CPEB3: variants seen among roughly 807,000 people sequenced by gnomAD.
The protein encoded by CPEB3 is cytoplasmic polyadenylation element binding protein 3, also known as cytoplasmic polyadenylation element-binding protein 3.
Under a neutral mutation model 67.2 loss-of-function variants are expected in CPEB3, and 20 were observed. The ratio of observed to expected loss-of-function variants is 0.30; its 90% confidence interval spans 0.21 to 0.43. The LOEUF is 0.43. Ranked by LOEUF, CPEB3 falls within the 20% of genes least tolerant of loss-of-function variation. The pLI, the probability that CPEB3 is intolerant of heterozygous loss-of-function variation, is 1.00. For synonymous variants in CPEB3, 376 were observed against 393.1 expected, an observed-to-expected ratio of 0.96 and a Z score of 0.51; for missense variants, 746 against 968.6, an observed-to-expected ratio of 0.77 and a Z score of 3.05.
At chr10:92,080,914 A>G (rs1265732505) in intron 9 of CPEB3, among the ~76,000 whole-genome samples, 2 of 152,032 alleles carry the variant, frequency 1.3e-5, no homozygotes, top group Non-Finnish European at 2.9e-5. Context: ...GCAATTTTCA[A>G]ACCAGAAGTT....
intron 2 of CPEB3, among the ~76,000 whole-genome samples, chr10:92,227,657 C>T (rs1851045142): frequency 6.9e-6 from 1 of 145,892 alleles, no homozygotes; most frequent in African/African-American, 2.6e-5. Flanking sequence ...GTGGCGCGAT[C>T]TCGGCTCACT....
At chr10:92,095,427 CTATCTG>C (rs369882185) in intron 7 of CPEB3, among the ~76,000 whole-genome samples, 11 of 151,944 alleles carry the variant, frequency 7.2e-5, no homozygotes, top group African/African-American at 2.7e-4. Context: ...TATTGTGGTA[CTATCTG>C]TATGAAAAGT....
At chr10:92,197,894 G>A (rs1305488788) in intron 2 of CPEB3, among the ~76,000 whole-genome samples, 1 of 152,096 alleles carries the variant, frequency 6.6e-6, no homozygotes, top group Non-Finnish European at 1.5e-5. Flanking sequence ...AGATTGCAAC[G>A]TCGGGAGTTC....
intron 7 of CPEB3, among the ~76,000 whole-genome samples, chr10:92,100,440 AT>A: frequency 6.6e-6 from 1 of 150,746 alleles, no homozygotes; most frequent in African/African-American, 2.4e-5. Flanking sequence ...CGCCCCACTA[AT>A]TTTTTTGTAT....
intron 9 of CPEB3, among the ~76,000 whole-genome samples, chr10:92,073,124 A>G (rs565809240): frequency 6.7e-6 from 1 of 149,340 alleles, no homozygotes; most frequent in South Asian, 2.1e-4. Context: ...TGCAGCCTCA[A>G]ACTCCTGGGC....
chr10:92,200,866 A>G (rs1386598365), intron 2 of CPEB3, among the ~76,000 whole-genome samples: 1 of 152,216 alleles, frequency 6.6e-6, no homozygotes, highest in Non-Finnish European at 1.5e-5. Flanking sequence ...CAGGCAGGTC[A>G]GATAAGAGGC....
chr10:92,083,613 A>T (rs1449752183), intron 8 of CPEB3, among the ~76,000 whole-genome samples: 2 of 152,234 alleles, frequency 1.3e-5, no homozygotes, highest in Non-Finnish European at 2.9e-5. Context: ...GTTTAATGAA[A>T]TAAGTAACCT....
intron 4 of CPEB3, among the ~76,000 whole-genome samples, chr10:92,171,448 A>G (rs1440026625): frequency 1.3e-5 from 2 of 152,002 alleles, no homozygotes; most frequent in Non-Finnish European, 2.9e-5. Flanking sequence ...CCCCAACCAG[A>G]TTTCACCCTA....
At chr10:92,246,915 G>A (rs1164782409) in intron 1 of CPEB3, among the ~76,000 whole-genome samples, 2 of 152,114 alleles carry the variant, frequency 1.3e-5, no homozygotes, top group Non-Finnish European at 2.9e-5. Context: ...CTAACTCCAA[G>A]TGCAGGTCTA....
chr10:92,110,816 A>G (rs2133480333), intron 7 of CPEB3, among the ~76,000 whole-genome samples: 1 of 152,376 alleles, frequency 6.6e-6, no homozygotes, highest in Middle Eastern at 3.4e-3. Context: ...GAATTTCTGA[A>G]TAGGAATTAG....
At chr10:92,097,325 A>G (rs905641093) in intron 7 of CPEB3, among the ~76,000 whole-genome samples, 1 of 152,240 alleles carries the variant, frequency 6.6e-6, no homozygotes, top group African/African-American at 2.4e-5. Flanking sequence ...GGCCCCACCC[A>G]GTCCATGATC....
rs1841922448 is a variant in CPEB3 at position 92,052,244 on chromosome 10, G to A, written c.2065C>T (p.Arg689Cys). The A allele has an allele frequency of 1.2e-6, 2 of 1,613,794 alleles. No individual in the cohort carries two copies. The highest frequency in any genetic ancestry group is 1.3e-5 in the African/African-American group (1 of 74,930). Residue 689 changes from arginine (R) to cysteine (C), a missense_variant, in exon 10 of 10, where the codon CGC (arginine) becomes TGC (cysteine). Around this residue, in one of 2 missense-constraint regions of CPEB3, gnomAD observed 103 missense variants for 251.1 expected, o/e 0.41. Transcript: ENST00000265997. The stretch of plus-strand genomic sequence containing the variant: ...CAGCGGAACGGGACGTGACGAGGGC[G>A]GTCGCCTCCCTCCTTCACCAGCGGT... ...HKPLVKEGGDRPRHVPFRWS is the reference protein window; with the variant it reads ...HKPLVKEGGDCPRHVPFRWS
At chr10:92,087,434 C>A (rs892559332) in intron 8 of CPEB3, among the ~76,000 whole-genome samples, 1 of 152,182 alleles carries the variant, frequency 6.6e-6, no homozygotes. Flanking sequence ...CAGATGAGCA[C>A]TCTCTCAAGA....
intron 1 of CPEB3, among the ~76,000 whole-genome samples, chr10:92,252,317 T>G (rs772680901): frequency 6.6e-6 from 1 of 151,990 alleles, no homozygotes; most frequent in Non-Finnish European, 1.5e-5. Context: ...AGCAACCCAT[T>G]TTTCAAACAA....
intron 1 of CPEB3, among the ~76,000 whole-genome samples, chr10:92,288,432 A>G (rs1314268406): frequency 3.4e-5 from 5 of 146,786 alleles, no homozygotes; most frequent in Non-Finnish European, 7.5e-5. Context: ...TCCAGCCTGG[A>G]TGACAAAGCG....
intron 4 of CPEB3, among the ~76,000 whole-genome samples, chr10:92,157,950 T>C (rs1377092944): frequency 2.6e-5 from 4 of 152,014 alleles, no homozygotes; most frequent in Admixed American, 1.3e-4. Context: ...AATTATTGTT[T>C]TACACACACA....
intron 2 of CPEB3, among the ~76,000 whole-genome samples, chr10:92,227,450 G>T (rs1394422506): frequency 6.6e-6 from 1 of 152,172 alleles, no homozygotes; most frequent in Non-Finnish European, 1.5e-5. Flanking sequence ...ACTTAACAAT[G>T]TAAATCCCAT....
intron 3 of CPEB3, among the ~76,000 whole-genome samples, chr10:92,181,869 G>C (rs966805548): frequency 2.0e-5 from 3 of 152,192 alleles, no homozygotes; most frequent in Non-Finnish European, 4.4e-5. Context: ...GTCAGAAACA[G>C]ATGCTTCAAC....
intron 4 of CPEB3, among the ~76,000 whole-genome samples, chr10:92,150,346 C>G (rs1846905749): frequency 6.6e-6 from 1 of 151,874 alleles, no homozygotes; most frequent in Non-Finnish European, 1.5e-5. Flanking sequence ...CCTGCCTCAG[C>G]CTCCCAAAGT....
Sources: allele counts gnomAD v4.1 joint callset (sites outside exome capture counted in the v4.1 genomes callset), GRCh38; gene constraint gnomAD v4.1.1; regional missense constraint gnomAD v4.1.1; transcripts MANE v1.5; gene names NCBI Gene and HGNC (gene_info 2026-07-23, HGNC 2026-07-21).